Variants in PAM observed in about 807,000 individuals in gnomAD.
PAM encodes peptidyl-glycine alpha-amidating monooxygenase.
In PAM, 72 loss-of-function variants were observed where a neutral mutation model predicts 122.1. The observed-to-expected ratio is 0.59, with a 90% CI of 0.49 to 0.72. PAM has a LOEUF of 0.72. Ranked by LOEUF, PAM falls within the 30% of genes least tolerant of loss-of-function variation. The probability of loss-of-function intolerance (pLI) is 0.00; values close to 1 mark genes in which losing one functional copy is unlikely to be tolerated. For synonymous variants in PAM, 389 were observed against 404.4 expected, an observed-to-expected ratio of 0.96 and a Z score of 0.46; for missense variants, 1,106 against 1,183.7, an observed-to-expected ratio of 0.93 and a Z score of 0.96.
chr5:102,931,839 T>A (rs2151804496), intron 7 of PAM, among the ~76,000 whole-genome samples: 1 of 152,262 alleles, frequency 6.6e-6, no homozygotes, highest in East Asian at 1.9e-4. Flanking sequence ...TCTCTGTCTC[T>A]CTCGGCTTGT....
intron 7 of PAM, among the ~76,000 whole-genome samples, chr5:102,946,579 C>T: frequency 6.8e-6 from 1 of 146,710 alleles, no homozygotes; most frequent in East Asian, 2.0e-4. Context: ...GCAGGAAAGT[C>T]AATATATTGG....
At chr5:102,970,246 TTA>T (rs1312864347) in intron 14 of PAM, among the ~76,000 whole-genome samples, 1 of 152,162 alleles carries the variant, frequency 6.6e-6, no homozygotes. Flanking sequence ...GTGAAAATAT[TTA>T]TGTTTTGAAT....
chr5:102,864,186 T>TATATATATA (rs34022235), intron 1 of PAM, among the ~76,000 whole-genome samples: 4 of 119,722 alleles, frequency 3.3e-5, no homozygotes, highest in African/African-American at 1.5e-4. Flanking sequence ...ATATATATAT[T>TATATATATA]TTTTTTTTTT....
intron 3 of PAM, among the ~76,000 whole-genome samples, chr5:102,887,281 G>A (rs1441387163): frequency 6.6e-6 from 1 of 151,888 alleles, no homozygotes; most frequent in African/African-American, 2.4e-5. Flanking sequence ...TCGAAATTGT[G>A]CCTCCCTTTG....
At chr5:102,934,649 C>A (rs890984365) in intron 7 of PAM, among the ~76,000 whole-genome samples, 8 of 152,090 alleles carry the variant, frequency 5.3e-5, no homozygotes, top group Admixed American at 1.3e-4. Flanking sequence ...CAGATGTGGT[C>A]TGGAATTAGG....
chr5:102,834,255 A>G (rs1381309595), intron 1 of PAM, among the ~76,000 whole-genome samples: 1 of 152,138 alleles, frequency 6.6e-6, no homozygotes, highest in African/African-American at 2.4e-5. Context: ...TAGAAAATTT[A>G]ACTTGAACTT....
intron 3 of PAM, among the ~76,000 whole-genome samples, chr5:102,900,645 T>C (rs750256294): frequency 5.9e-5 from 9 of 151,618 alleles, no homozygotes; most frequent in Non-Finnish European, 8.9e-5. Context: ...TGTATTTGTA[T>C]TGGGCATATT....
chr5:102,806,596 T>TAC (rs748154691), intron 1 of PAM, among the ~76,000 whole-genome samples: 6 of 152,156 alleles, frequency 3.9e-5, no homozygotes, highest in Non-Finnish European at 7.4e-5. Flanking sequence ...TATACACACA[T>TAC]ACACACACAC....
intron 1 of PAM, among the ~76,000 whole-genome samples, chr5:102,813,545 CA>C (rs2150223280): frequency 1.3e-5 from 2 of 152,292 alleles, no homozygotes; most frequent in South Asian, 4.1e-4. Context: ...CTCACTGATT[CA>C]GTTGTTTTTC....
chr5:103,014,776 A>T (rs1035284872), intron 21 of PAM, among the ~76,000 whole-genome samples: 1 of 152,198 alleles, frequency 6.6e-6, no homozygotes, highest in Non-Finnish European at 1.5e-5. Context: ...GTAGGACAAT[A>T]AAGAAAATGG....
intron 16 of PAM, among the ~76,000 whole-genome samples, chr5:102,996,465 A>G (rs1775732866): frequency 6.6e-6 from 1 of 152,214 alleles, no homozygotes; most frequent in South Asian, 2.1e-4. Context: ...GAACTGTTCA[A>G]GGGTTACCTT....
chr5:102,910,320 A>G (rs1057466586), intron 4 of PAM, among the ~76,000 whole-genome samples: 1 of 151,842 alleles, frequency 6.6e-6, no homozygotes, highest in Non-Finnish European at 1.5e-5. Flanking sequence ...TCTTTTCAAC[A>G]TGTCATCCAC....
chr5:103,004,640 C>T (rs1382661581), intron 17 of PAM, among the ~76,000 whole-genome samples: 1 of 152,188 alleles, frequency 6.6e-6, no homozygotes. Flanking sequence ...CTTAGATATT[C>T]ACAGCCCATG....
chr5:102,974,094 ATCTCT>A lies in PAM; in HGVS notation c.1163-15_1163-11del, dbSNP rs770258022. 5.0e-6 allele frequency: 8 copies of A among 1,584,322 alleles called. No individual in the cohort carries two copies. Among genetic ancestry groups the A allele is most frequent in the Non-Finnish European group, 6.9e-6 (8 of 1,156,898 alleles). Reference sequence around the variant, plus strand: ...AATCTTATCTACCCTCCACGCCCTTATCTCTTCTCTTTTTTCCACAGGTGATTTCT... The same window carrying A: ...AATCTTATCTACCCTCCACGCCCTTATCTCTTTTTTCCACAGGTGATTTCT... On this transcript the variant is annotated splice_polypyrimidine_tract_variant and intron_variant, in intron 14 of 25. Transcript: ENST00000438793.
At chr5:102,818,351 T>G (rs1770631055) in intron 1 of PAM, among the ~76,000 whole-genome samples, 1 of 151,774 alleles carries the variant, frequency 6.6e-6, no homozygotes, top group African/African-American at 2.4e-5. Context: ...AACACACAGT[T>G]CCTTTCAAAA....
Position 102,844,430 on chromosome 5 carries a change from C to T in PAM, c.-373-21393C>T, listed in dbSNP as rs117147227. Reference sequence around the variant, plus strand: ...CTGTAATTCCAGCCATTTGAGAGGCCGAGGCAGGAGGATTGCTTGAGGCCA... The same window carrying T: ...CTGTAATTCCAGCCATTTGAGAGGCTGAGGCAGGAGGATTGCTTGAGGCCA... On this transcript the variant is annotated intron_variant, in intron 1 of 25. Coordinates refer to ENST00000438793, the MANE Select transcript of PAM (RefSeq NM_001177306.2). 4.5e-4 allele frequency among the ~76,000 whole-genome samples: 69 copies of T among 152,034 alleles called. 1 individual carries two copies. In the East Asian group the frequency reaches 8.3e-3, roughly 18 times the overall value.
chr5:102,990,193 C>T, intron 15 of PAM, 79 bp from the exon 16 acceptor site: 1 of 1,073,334 alleles, frequency 9.3e-7, no homozygotes, highest in Non-Finnish European at 1.3e-6. Flanking sequence ...ATTGCATGAG[C>T]TTCTTGTAAC....
intron 1 of PAM, among the ~76,000 whole-genome samples, chr5:102,836,449 T>C (rs914635891): frequency 6.6e-5 from 10 of 152,178 alleles, no homozygotes; most frequent in African/African-American, 2.4e-4. Context: ...CAGGCTAATC[T>C]TGAACTCCTG....
intron 1 of PAM, among the ~76,000 whole-genome samples, chr5:102,826,480 T>C (rs1378743040): frequency 2.0e-5 from 3 of 152,196 alleles, no homozygotes; most frequent in Non-Finnish European, 4.4e-5. Flanking sequence ...TTGTATGACT[T>C]TGTAGACATA....
Sources: gnomAD v4.1 joint callset for allele counts (sites outside exome capture counted in the v4.1 genomes callset) on GRCh38, gnomAD v4.1.1 for gene constraint, MANE v1.5 for transcripts, NCBI Gene and HGNC (gene_info 2026-07-23, HGNC 2026-07-21) for gene names.